The following RIGI variants were observed in gnomAD, a reference collection of about 807,000 sequenced individuals.
RIGI encodes RNA sensor RIG-I.
chr9:32,494,953 G>A, the RIGI span, among the ~76,000 whole-genome samples: 1 of 151,928 alleles, frequency 6.6e-6, no homozygotes, highest in African/African-American at 2.4e-5. Context: ...CTTCTACCTT[G>A]TAAGCTATCA....
At chr9:32,495,829 G>A in the RIGI span, among the ~76,000 whole-genome samples, 1 of 151,454 alleles carries the variant, frequency 6.6e-6, no homozygotes. Flanking sequence ...CCAGCTATGT[G>A]TACTTTTAGT....
the RIGI span, among the ~76,000 whole-genome samples, chr9:32,510,919 A>C: frequency 3.3e-5 from 5 of 152,146 alleles, no homozygotes; most frequent in African/African-American, 1.2e-4. Flanking sequence ...GAAAGAAAAA[A>C]AAAAAGCAGG....
chr9:32,489,832 T>C, the RIGI span, among the ~76,000 whole-genome samples: 1 of 152,206 alleles, frequency 6.6e-6, no homozygotes, highest in Non-Finnish European at 1.5e-5. Context: ...ACTGTTAACA[T>C]TGGATTCTCA....
the RIGI span, among the ~76,000 whole-genome samples, chr9:32,466,880 G>T: frequency 6.6e-6 from 1 of 152,064 alleles, no homozygotes; most frequent in African/African-American, 2.4e-5. Context: ...GTATGACACT[G>T]TGATGGCTCT....
the RIGI span, among the ~76,000 whole-genome samples, chr9:32,516,892 G>A: frequency 6.6e-6 from 1 of 152,186 alleles, no homozygotes; most frequent in African/African-American, 2.4e-5. Flanking sequence ...CACCTCGACT[G>A]TTTCAGTTTG....
chr9:32,487,539 G>T, the RIGI span: 1 of 1,614,096 alleles, frequency 6.2e-7, no homozygotes, highest in Non-Finnish European at 8.5e-7. Context: ...TATCACTGAC[G>T]CATCAAGAGA....
chr9:32,466,280 G>A, the RIGI span: 896 of 1,612,536 alleles, frequency 5.6e-4, 6 homozygotes, highest in African/African-American at 9.9e-3. Flanking sequence ...GAAGAATAAC[G>A]TAGACTTACC....
the RIGI span, among the ~76,000 whole-genome samples, chr9:32,467,584 A>G: frequency 6.6e-6 from 1 of 152,226 alleles, no homozygotes; most frequent in Admixed American, 6.5e-5. Context: ...ATCAAAGTAG[A>G]GTTTATGTTA....
At chr9:32,515,496 T>A in the RIGI span, among the ~76,000 whole-genome samples, 2 of 152,230 alleles carry the variant, frequency 1.3e-5, no homozygotes, top group African/African-American at 2.4e-5. Context: ...TCTTTGCTTC[T>A]GTCTTCTCTC....
the RIGI span, among the ~76,000 whole-genome samples, chr9:32,523,423 C>T: frequency 1.3e-5 from 2 of 152,204 alleles, no homozygotes; most frequent in East Asian, 3.9e-4. Flanking sequence ...ATACCTAAAT[C>T]CGAATTTTTC....
chr9:32,522,167 T>A, the RIGI span, among the ~76,000 whole-genome samples: 16 of 152,210 alleles, frequency 1.1e-4, no homozygotes, highest in African/African-American at 2.9e-4. Flanking sequence ...TGAACTAATG[T>A]GGGACTGAAA....
the RIGI span, chr9:32,459,402 G>C: frequency 6.2e-7 from 1 of 1,613,786 alleles, no homozygotes; most frequent in Non-Finnish European, 8.5e-7. Context: ...TGTGTAACAT[G>C]CCAAGGCTTT....
chr9:32,478,107 G>A, the RIGI span, among the ~76,000 whole-genome samples: 5 of 151,740 alleles, frequency 3.3e-5, no homozygotes, highest in East Asian at 1.9e-4. Context: ...GCAGTGGTGC[G>A]CTCTTGGCTC....
the RIGI span, chr9:32,498,295 A>G: frequency 2.2e-6 from 1 of 456,702 alleles, no homozygotes; most frequent in Non-Finnish European, 4.4e-6. Context: ...GGTCCCATAG[A>G]AAGGCATGAA....
the RIGI span, among the ~76,000 whole-genome samples, chr9:32,486,913 C>T: frequency 1.3e-5 from 2 of 152,198 alleles, no homozygotes; most frequent in Admixed American, 6.5e-5. Context: ...CTCAGAAATA[C>T]AGTCACATAC....
the RIGI span, among the ~76,000 whole-genome samples, chr9:32,488,560 G>A: frequency 6.6e-6 from 1 of 152,148 alleles, no homozygotes; most frequent in Non-Finnish European, 1.5e-5. Flanking sequence ...GGGAGTTTAA[G>A]TTTTCTGGTA....
chr9:32,501,325 C>CAAA, the RIGI span, among the ~76,000 whole-genome samples: 15 of 121,814 alleles, frequency 1.2e-4, no homozygotes, highest in Non-Finnish European at 1.6e-4. Context: ...CCAGCCTCTA[C>CAAA]AAAAAAAAAA....
chr9:32,475,709 C>T, the RIGI span, among the ~76,000 whole-genome samples: 8 of 152,078 alleles, frequency 5.3e-5, no homozygotes, highest in East Asian at 1.9e-4. Flanking sequence ...AAAGCTGTAA[C>T]GCTTCTAGAT....
chr9:32,481,305 T>C, the RIGI span: 1 of 1,599,472 alleles, frequency 6.3e-7, no homozygotes. Context: ...GTAGGTGCTG[T>C]GACCAGAATA....
Sources: gnomAD v4.1 joint callset for allele counts (sites outside exome capture counted in the v4.1 genomes callset) on GRCh38, gnomAD v4.1.1 for gene constraint, MANE v1.5 for transcripts, NCBI Gene and HGNC (gene_info 2026-07-23, HGNC 2026-07-21) for gene names.